OSBPL3: variants seen among roughly 807,000 people sequenced by gnomAD.
OSBPL3 encodes oxysterol binding protein like 3, also known as oxysterol-binding protein-related protein 3.
OSBPL3 carries 65 observed loss-of-function variants against 120.1 expected under a neutral mutation model. The observed-to-expected ratio is 0.54, with a 90% CI of 0.44 to 0.67. OSBPL3 has a LOEUF of 0.67. OSBPL3 is among the 30% of genes least tolerant of loss of function. The probability of loss-of-function intolerance (pLI) is 0.00; values close to 1 mark genes in which losing one functional copy is unlikely to be tolerated. For missense variants in OSBPL3, 1,004 were observed against 1,082.1 expected (o/e 0.93, Z 1.01); for synonymous variants, 416 against 402.6 (o/e 1.03, Z -0.40).
At chr7:24,842,153 G>A in intron 13 of OSBPL3, 126 bp downstream of exon 13, 1 of 964,644 alleles carries the variant, frequency 1.0e-6, no homozygotes, top group Non-Finnish European at 1.6e-6. Context: ...AGAACTCTCA[G>A]AACATAATGA....
At chr7:24,942,180 C>T in intron 1 of OSBPL3, among the ~76,000 whole-genome samples, 1 of 151,322 alleles carries the variant, frequency 6.6e-6, no homozygotes, top group African/African-American at 2.4e-5. Flanking sequence ...AACCTCAGAA[C>T]TTTATAAGAA....
At position 24,817,237 on chromosome 7, in the gene OSBPL3, C is replaced by T. The variant is rs551884212; in HGVS notation, c.1949-549G>A. On this transcript the variant is annotated intron_variant, in intron 17 of 22. Coordinates refer to ENST00000313367, the MANE Select transcript of OSBPL3 (RefSeq NM_015550.4). This position sits in a 1 kb window ranked among gnomAD's most constrained non-coding sequence, Gnocchi z 4.0. ...AAGAGTAGAAAGGTTGAGAACAAAA[C>T]CAGGTGCAGTGGCTCATGCCTGTAA... 2.6e-5 allele frequency among the ~76,000 whole-genome samples: 4 copies of T among 152,300 alleles called. No homozygotes were observed. In the East Asian group the frequency reaches 7.7e-4, roughly 29 times the overall value.
chr7:24,898,098 C>T lies in OSBPL3; in HGVS notation c.-149-5477G>A, dbSNP rs1186744391. Among the ~76,000 whole-genome samples the T allele has an allele frequency of 6.6e-6, 1 of 152,180 alleles. No homozygotes were observed. Among genetic ancestry groups the T allele is most frequent in the African/African-American group, 2.4e-5 (1 of 41,434 alleles). On this transcript the variant is annotated intron_variant, in intron 1 of 22. Coordinates refer to ENST00000313367, the MANE Select transcript of OSBPL3 (RefSeq NM_015550.4). The surrounding 1 kb of genome is among the most constrained non-coding windows in gnomAD (Gnocchi z 4.3). ...TAAAATTATTCAAATCCAAGTTATG[C>T]ATCTTTTTACAAATGGTACCCTCTG...
At chr7:24,847,219 C>T (rs992078351) in intron 12 of OSBPL3, among the ~76,000 whole-genome samples, 1 of 152,120 alleles carries the variant, frequency 6.6e-6, no homozygotes, top group Non-Finnish European at 1.5e-5. Context: ...AAAAAATTAA[C>T]TGGAGTCAAG....
chr7:24,814,571 A>C (rs191702376), intron 19 of OSBPL3, among the ~76,000 whole-genome samples: 65 of 152,230 alleles, frequency 4.3e-4, no homozygotes, highest in African/African-American at 1.5e-3. Context: ...TGCAACCATC[A>C]CCACTATCTA....
At position 24,879,119 on chromosome 7, in the gene OSBPL3, T is replaced by C. The variant is rs1803276498; in HGVS notation, c.97-7050A>G. Among the ~76,000 whole-genome samples, 1 of 152,010 alleles carries C rather than the reference T, an allele frequency of 6.6e-6. No homozygotes were observed. Among genetic ancestry groups the C allele is most frequent in the African/African-American group, 2.4e-5 (1 of 41,380 alleles). On this transcript the variant is annotated intron_variant, in intron 2 of 22. Coordinates refer to ENST00000313367, the MANE Select transcript of OSBPL3 (RefSeq NM_015550.4). This position sits in a 1 kb window ranked among gnomAD's most constrained non-coding sequence, Gnocchi z 5.6. ...GGCTGATCTATGAAAGTCTCTGGAG[T>C]GCTCCATCAGAGGCTGGTGGTCACC...
In OSBPL3 at chr7:24,824,861, A is replaced by C. The variant is rs1795512344; in HGVS notation, c.1885-4623T>G. Among the ~76,000 whole-genome samples, 1 of 152,198 alleles carries C rather than the reference A, an allele frequency of 6.6e-6. No homozygotes were observed. Among genetic ancestry groups the C allele is most frequent in the African/African-American group, 2.4e-5 (1 of 41,432 alleles). On this transcript the variant is annotated intron_variant, in intron 16 of 22. Transcript: ENST00000313367. The surrounding 1 kb of genome is among the most constrained non-coding windows in gnomAD (Gnocchi z 4.9). ...CTAATAATGGAAACCTGTGGGGCTG[A>C]GAGAAGTTCGGAAGTTAACCATGCA...
intron 1 of OSBPL3, among the ~76,000 whole-genome samples, chr7:24,963,661 C>T (rs2128521042): frequency 6.6e-6 from 1 of 152,334 alleles, no homozygotes; most frequent in Middle Eastern, 3.4e-3. Flanking sequence ...GGCAGGACTA[C>T]AAGTTCAGAG....
At chr7:24,962,452 AGAGAGGAG>A (rs1815894591) in intron 1 of OSBPL3, among the ~76,000 whole-genome samples, 2 of 130,308 alleles carry the variant, frequency 1.5e-5, no homozygotes, top group African/African-American at 5.9e-5. Flanking sequence ...AGAGAGGAGG[AGAGAGGAG>A]GAGAGAGGAG....
chr7:24,823,412 C>A (rs1171102765), intron 16 of OSBPL3, among the ~76,000 whole-genome samples: 1 of 151,984 alleles, frequency 6.6e-6, no homozygotes, highest in African/African-American at 2.4e-5. Flanking sequence ...CTTAGGGCAG[C>A]CTTGTATCTT....
chr7:24,855,636 C>T lies in OSBPL3; in HGVS notation c.1028-3002G>A, dbSNP rs555834839. On this transcript the variant is annotated intron_variant, in intron 10 of 22. Transcript: ENST00000313367. This position sits in a 1 kb window ranked among gnomAD's most constrained non-coding sequence, Gnocchi z 4.3. ...CATTCACAGCCACCTAATGATCTGCCACACACAGGGCAATGATCAGAGGTT... is the reference window on the plus strand; with the variant it reads ...CATTCACAGCCACCTAATGATCTGCTACACACAGGGCAATGATCAGAGGTT... Among the ~76,000 whole-genome samples, 6 of 152,256 alleles carry T rather than the reference C, an allele frequency of 3.9e-5. No individual in the cohort carries two copies. Among genetic ancestry groups the T allele is most frequent in the South Asian group, 2.1e-4 (1 of 4,812 alleles).
At position 24,833,236 on chromosome 7, in the gene OSBPL3, C is replaced by T. The variant is rs1796604159; in HGVS notation, c.1746+1250G>A. On this transcript the variant is annotated intron_variant, in intron 15 of 22. Coordinates refer to ENST00000313367, the MANE Select transcript of OSBPL3 (RefSeq NM_015550.4). This position sits in a 1 kb window ranked among gnomAD's most constrained non-coding sequence, Gnocchi z 4.4. ...AAGTCTCTTGGGCCAGGTACAGTGA[C>T]TCATGCCTGTAATCCCAGCATTTTG... Among the ~76,000 whole-genome samples, 2 of 152,176 alleles carry T rather than the reference C, an allele frequency of 1.3e-5. No homozygotes were observed. The highest frequency in any genetic ancestry group is 2.4e-5 in the African/African-American group (1 of 41,442).
rs144146627 is a variant in OSBPL3, at chr7:24,804,335, C to T, written c.2547G>A (p.Glu849=). The change falls in exon 22 of 23, where the codon GAG becomes GAA. Residue 849 remains glutamate, a synonymous_variant. Coordinates refer to ENST00000313367, the MANE Select transcript of OSBPL3 (RefSeq NM_015550.4). The surrounding 1 kb of genome is among the most constrained non-coding windows in gnomAD (Gnocchi z 5.4). ...RRRVLEENHV[E]HQPRFFRKSD... is the part of the protein sequence containing the mutation. ...CGAACCTGAAAAACCGAGGCTGGTG[C>T]TCCACATGATTTTCTTCTAAGACCC... The T allele has an allele frequency of 1.9e-6, 3 of 1,614,054 alleles. No homozygotes were observed. The highest frequency in any genetic ancestry group is 1.1e-5 in the South Asian group (1 of 91,084).
At chr7:24,956,551 A>G (rs1026360732) in intron 1 of OSBPL3, among the ~76,000 whole-genome samples, 8 of 152,230 alleles carry the variant, frequency 5.3e-5, no homozygotes, top group African/African-American at 1.9e-4. Flanking sequence ...TCAAATGGCC[A>G]TCTTCCTTTG....
intron 14 of OSBPL3, among the ~76,000 whole-genome samples, chr7:24,837,079 C>T (rs1357979738): frequency 6.6e-6 from 1 of 152,236 alleles, no homozygotes; most frequent in African/African-American, 2.4e-5. Flanking sequence ...AAGTGATCCA[C>T]CCACCTCAGC....
intron 1 of OSBPL3, among the ~76,000 whole-genome samples, chr7:24,908,563 C>G (rs1410255307): frequency 6.6e-6 from 1 of 152,172 alleles, no homozygotes; most frequent in Non-Finnish European, 1.5e-5. Flanking sequence ...TAAAACATCC[C>G]CTTCTAAAAT....
chr7:24,890,905 T>C (rs1344037396), intron 2 of OSBPL3, among the ~76,000 whole-genome samples: 1 of 152,240 alleles, frequency 6.6e-6, no homozygotes, highest in East Asian at 1.9e-4. Flanking sequence ...AAAAAGTTTC[T>C]GTAGTATTTG....
intron 1 of OSBPL3, among the ~76,000 whole-genome samples, chr7:24,977,585 G>A (rs1036642667): frequency 6.6e-6 from 1 of 152,106 alleles, no homozygotes; most frequent in Non-Finnish European, 1.5e-5. Context: ...GGCAGGGCGC[G>A]GTGGCTCACG....
rs1245206238 is a variant in OSBPL3 at position 24,913,158 on chromosome 7, T to C, written c.-149-20537A>G. Among the ~76,000 whole-genome samples the C allele has an allele frequency of 6.6e-6, 1 of 152,150 alleles. No individual in the cohort carries two copies. The highest frequency in any genetic ancestry group is 6.5e-5 in the Admixed American group (1 of 15,268). On this transcript the variant is annotated intron_variant, in intron 1 of 22. Transcript: ENST00000313367. This position sits in a 1 kb window ranked among gnomAD's most constrained non-coding sequence, Gnocchi z 5.3. ...GCAGAAACTATGTCTTTTCATCAAG[T>C]CCCACCCAAATTAAAGATGTCAGGG...
Sources: allele counts gnomAD v4.1 joint callset (sites outside exome capture counted in the v4.1 genomes callset), GRCh38; gene constraint gnomAD v4.1.1; non-coding constraint Gnocchi (gnomAD v3.1); transcripts MANE v1.5; gene names NCBI Gene and HGNC (gene_info 2026-07-23, HGNC 2026-07-21).